GABRG2: variants seen among roughly 807,000 people sequenced by gnomAD.
GABRG2 encodes the protein gamma-aminobutyric acid receptor subunit gamma-2.
Under a neutral mutation model 56.4 loss-of-function variants are expected in GABRG2, and 16 were observed. The ratio of observed to expected loss-of-function variants is 0.28; its 90% CI spans 0.19 to 0.43. The LOEUF (loss-of-function observed/expected upper bound fraction) is 0.43. Among genes scored for constraint, GABRG2 ranks in the 20% least tolerant of loss-of-function variants. GABRG2 has a pLI of 1.00. For synonymous variants in GABRG2, 208 were observed against 205.5 expected (o/e 1.01, Z -0.10); for missense variants, 327 against 582.7 (o/e 0.56, Z 4.52).
At chr5:162,081,856 T>C (rs889071411) in intron 1 of GABRG2, among the ~76,000 whole-genome samples, 5 of 151,954 alleles carry the variant, frequency 3.3e-5, no homozygotes, top group Admixed American at 1.3e-4. Flanking sequence ...GTTTAGGATT[T>C]TCTTATAAGG....
intron 6 of GABRG2, among the ~76,000 whole-genome samples, chr5:162,127,878 G>T (rs1305926808): frequency 3.3e-5 from 5 of 151,968 alleles, no homozygotes; most frequent in Non-Finnish European, 7.4e-5. Context: ...CAGAGTCAGG[G>T]TGTGAATCCA....
At chr5:162,153,043 T>C (rs999986122) in intron 9 of GABRG2, 50 bp from the exon 10 acceptor site, 2 of 1,610,078 alleles carry the variant, frequency 1.2e-6, no homozygotes, top group African/African-American at 2.7e-5. Flanking sequence ...CAGCCTAGGA[T>C]CTCTCGAGAA....
chr5:162,071,851 T>A (rs2113115167), intron 1 of GABRG2, among the ~76,000 whole-genome samples: 2 of 151,728 alleles, frequency 1.3e-5, no homozygotes, highest in South Asian at 4.2e-4. Flanking sequence ...GTAGACTGGG[T>A]AGACTATTTG....
intron 6 of GABRG2, among the ~76,000 whole-genome samples, chr5:162,138,935 G>C (rs545665263): frequency 6.6e-6 from 1 of 151,998 alleles, no homozygotes; most frequent in Non-Finnish European, 1.5e-5. Context: ...ATAGTTTCAT[G>C]TGGAAAATGA....
chr5:162,123,166 T>C (rs1186792798), intron 6 of GABRG2, among the ~76,000 whole-genome samples: 3 of 151,670 alleles, frequency 2.0e-5, no homozygotes, highest in Admixed American at 6.6e-5. Context: ...ACTAATCATA[T>C]CTGAGAAAAA....
At chr5:162,116,618 T>C (rs1762643111) in intron 6 of GABRG2, among the ~76,000 whole-genome samples, 1 of 151,830 alleles carries the variant, frequency 6.6e-6, no homozygotes, top group Non-Finnish European at 1.5e-5. Context: ...AAGGCCTCTA[T>C]AGGGATGGAC....
chr5:162,127,919 G>C (rs541325165), intron 6 of GABRG2, among the ~76,000 whole-genome samples: 33 of 152,062 alleles, frequency 2.2e-4, no homozygotes, highest in African/African-American at 7.5e-4. Flanking sequence ...TGGACGTAGT[G>C]AGAGCACAGA....
intron 6 of GABRG2, among the ~76,000 whole-genome samples, chr5:162,139,758 T>A (rs1348307219): frequency 6.6e-6 from 1 of 152,206 alleles, no homozygotes; most frequent in Non-Finnish European, 1.5e-5. Flanking sequence ...ACATGATAAT[T>A]CGTAATTTTT....
chr5:162,078,369 C>CTATATATATATATATATA (rs774147866), intron 1 of GABRG2, among the ~76,000 whole-genome samples: 5 of 53,876 alleles, frequency 9.3e-5, no homozygotes, highest in African/African-American at 4.0e-4. Flanking sequence ...GAGCATCTTA[C>CTATATATATATATATATA]TATATATATA....
At chr5:162,141,878 G>C (rs1764592900) in intron 6 of GABRG2, among the ~76,000 whole-genome samples, 1 of 151,908 alleles carries the variant, frequency 6.6e-6, no homozygotes, top group Non-Finnish European at 1.5e-5. Flanking sequence ...TTGTGAAGTA[G>C]GAAGAAAGGA....
intron 1 of GABRG2, among the ~76,000 whole-genome samples, chr5:162,077,734 T>C (rs1046590959): frequency 4.6e-5 from 7 of 152,162 alleles, no homozygotes; most frequent in Non-Finnish European, 7.4e-5. Flanking sequence ...AGCTTGGTAA[T>C]TGCAGTTTAG....
At chr5:162,106,789 A>T (rs1001549033) in intron 6 of GABRG2, among the ~76,000 whole-genome samples, 18 of 151,466 alleles carry the variant, frequency 1.2e-4, no homozygotes, top group African/African-American at 4.4e-4. Flanking sequence ...CTGATTCCTA[A>T]TTTTTTTCTT....
intron 6 of GABRG2, among the ~76,000 whole-genome samples, chr5:162,134,445 A>C (rs1398044621): frequency 1.3e-5 from 2 of 152,174 alleles, no homozygotes; most frequent in Non-Finnish European, 2.9e-5. Context: ...TGTGCCAGGA[A>C]TTGTACCAAG....
chr5:162,116,256 T>C (rs1000282926), intron 6 of GABRG2, among the ~76,000 whole-genome samples: 1 of 151,860 alleles, frequency 6.6e-6, no homozygotes, highest in African/African-American at 2.4e-5. Flanking sequence ...CTATCTAATC[T>C]ATCCTTTATC....
intron 4 of GABRG2, 148 bp from the exon 5 acceptor site, chr5:162,101,087 C>T: frequency 1.5e-6 from 1 of 670,628 alleles, no homozygotes. Context: ...TTTTCCTGGA[C>T]TTGGTGGATT....
In GABRG2 at chr5:162,095,434, A is replaced by T. The variant is rs989713714; in HGVS notation, c.260-61A>T. On this transcript the variant is annotated intron_variant, in intron 2 of 9. Transcript: ENST00000639213. ...AATAAATCTATTCTAGAAAACAAAG[A>T]TTAAAACATTAAAATCTTGCACCTC... 3.0e-6 allele frequency: 3 copies of T among 1,010,134 alleles called. No homozygotes were observed. The African/African-American group carries it at 4.8e-5, about 16-fold the overall frequency. 62.6% of individuals were successfully genotyped at this position (1,010,134 alleles called of 1,614,324 possible). A position where few individuals can be genotyped will look rare whatever the true frequency, so the allele number is the denominator to read the frequency against.
At chr5:162,095,083 T>C (rs1300525652) in intron 2 of GABRG2, among the ~76,000 whole-genome samples, 1 of 152,114 alleles carries the variant, frequency 6.6e-6, no homozygotes, top group Non-Finnish European at 1.5e-5. Context: ...TGAATGCATA[T>C]TTTTTTCTGA....
chr5:162,118,206 T>G (rs1353584069), intron 6 of GABRG2, among the ~76,000 whole-genome samples: 7 of 18,780 alleles, frequency 3.7e-4, no homozygotes, highest in Non-Finnish European at 6.2e-4. Context: ...GTTCTGATGG[T>G]GTGTGTGTGT....
At chr5:162,112,582 G>T (rs190114750) in intron 6 of GABRG2, among the ~76,000 whole-genome samples, 2 of 152,070 alleles carry the variant, frequency 1.3e-5, no homozygotes, top group African/African-American at 4.8e-5. Flanking sequence ...TTGCAGATAC[G>T]CACTTTTAAG....
Sources: allele counts gnomAD v4.1 joint callset (sites outside exome capture counted in the v4.1 genomes callset), GRCh38; gene constraint gnomAD v4.1.1; transcripts MANE v1.5; gene names NCBI Gene and HGNC (gene_info 2026-07-23, HGNC 2026-07-21).